The following WDR27 variants were observed in gnomAD, a reference collection of about 807,000 sequenced individuals.
The protein encoded by WDR27 is WD repeat domain 27.
In WDR27, 100 loss-of-function variants were observed where a neutral mutation model predicts 114.4. The ratio of observed to expected loss-of-function variants is 0.87; its 90% CI spans 0.74 to 1.03. The LOEUF (loss-of-function observed/expected upper bound fraction) is 1.03. Ranked by LOEUF, WDR27 falls within the 50% of genes least tolerant of loss-of-function variation. The pLI is 0.00. For missense variants in WDR27, 1,129 were observed against 1,092.9 expected (o/e 1.03, Z -0.47); for synonymous variants, 449 against 423.1 (o/e 1.06, Z -0.75).
At position 169,668,182 on chromosome 6, in the gene WDR27, G is replaced by C; in HGVS notation, c.460C>G (p.Arg154Gly). The C allele has an allele frequency of 6.2e-7, 1 of 1,613,896 alleles. No individual in the cohort carries two copies. The highest frequency in any genetic ancestry group is 1.1e-5 in the South Asian group (1 of 91,042). ...CGTTCTATGTATGTCACAGAAAATC[G>C]CTGCTATTAAAATAAAGCCCAAATT... ...NKIFMLDIEQ[R>G]FSVTYIERPD... Residue 154 changes from arginine to glycine, a missense_variant, in exon 5 of 26, where the codon CGA (arginine) becomes GGA (glycine). Arg to Gly is a moderately radical substitution (Grantham distance 125, BLOSUM62 -2). Coordinates refer to ENST00000448612, the MANE Select transcript of WDR27 (RefSeq NM_182552.5).
chr6:169,624,016 G>A (rs965021175), intron 21 of WDR27, among the ~76,000 whole-genome samples: 5 of 152,320 alleles, frequency 3.3e-5, no homozygotes, highest in Admixed American at 2.6e-4. Flanking sequence ...TTGGGGACAT[G>A]GGGCCCTGGA....
At chr6:169,675,355 T>G (rs911988601) in intron 2 of WDR27, among the ~76,000 whole-genome samples, 1 of 152,196 alleles carries the variant, frequency 6.6e-6, no homozygotes, top group African/African-American at 2.4e-5. Flanking sequence ...CCTTCCACCA[T>G]GATTGTAAGG....
intron 17 of WDR27, 31 bp from the exon 18 acceptor site, chr6:169,638,691 T>G: frequency 1.9e-6 from 3 of 1,575,812 alleles, no homozygotes; most frequent in Non-Finnish European, 2.6e-6. Flanking sequence ...AGGTTACTAT[T>G]TCTACTATTA....
At chr6:169,687,539 G>C (rs770372218) in intron 2 of WDR27, among the ~76,000 whole-genome samples, 1 of 152,024 alleles carries the variant, frequency 6.6e-6, no homozygotes, top group African/African-American at 2.4e-5. Flanking sequence ...TGCCCTTTTC[G>C]AAAGGCTAAA....
At chr6:169,548,018 T>A (rs1797670156) in intron 25 of WDR27, among the ~76,000 whole-genome samples, 1 of 151,740 alleles carries the variant, frequency 6.6e-6, no homozygotes, top group Non-Finnish European at 1.5e-5. Context: ...TACATAAAAG[T>A]TAATCACTTT....
At chr6:169,663,733 G>A (rs1827001852) in intron 8 of WDR27, 1 of 175,684 alleles carries the variant, frequency 5.7e-6, no homozygotes, top group Non-Finnish European at 1.2e-5. Context: ...ACCAGGTGAG[G>A]ATGTGAGGGT....
intron 24 of WDR27, among the ~76,000 whole-genome samples, chr6:169,574,678 C>T (rs1246489999): frequency 1.3e-5 from 2 of 152,148 alleles, no homozygotes; most frequent in African/African-American, 4.8e-5. Context: ...GCTTCCAGGA[C>T]TCGGTGAGTG....
intron 2 of WDR27, among the ~76,000 whole-genome samples, chr6:169,686,696 T>C (rs1315984346): frequency 6.6e-6 from 1 of 152,168 alleles, no homozygotes; most frequent in Admixed American, 6.5e-5. Context: ...CACTCCCATA[T>C]TTATTGCAGC....
At chr6:169,492,517 A>G (rs1363331406) in intron 25 of WDR27, among the ~76,000 whole-genome samples, 1 of 152,162 alleles carries the variant, frequency 6.6e-6, no homozygotes, top group East Asian at 1.9e-4. Context: ...AAATGTTTTT[A>G]AAGTGTTTAT....
At chr6:169,660,799 A>G (rs1310971846) in intron 9 of WDR27, 33 bp from the exon 10 acceptor site, 2 of 1,582,762 alleles carry the variant, frequency 1.3e-6, no homozygotes, top group African/African-American at 1.3e-5. Context: ...AGAATACACA[A>G]TAATCTTATT....
chr6:169,569,131 T>C (rs746165525), intron 25 of WDR27, among the ~76,000 whole-genome samples: 1 of 152,170 alleles, frequency 6.6e-6, no homozygotes, highest in Non-Finnish European at 1.5e-5. Context: ...CACACAACCG[T>C]GGGACCGTGA....
rs187268574 is a variant in WDR27 at position 169,586,812 on chromosome 6, G to A, written c.2425-3878C>T. Among the ~76,000 whole-genome samples, 89 of 117,602 alleles carry A rather than the reference G, an allele frequency of 7.6e-4. No homozygotes were observed. In the East Asian group the frequency reaches 0.014, roughly 18 times the overall value. The allele number at this position is 117,602 out of a possible 152,430, so 77.2% of individuals were successfully genotyped here. A position where few individuals can be genotyped will look rare whatever the true frequency, so the allele number is the denominator to read the frequency against. The stretch of plus-strand genomic sequence containing the variant: ...TGCAGTGGGCTGAGATTGCACTACT[G>A]CACTCCAGCCTGGCGACACAGCTAG... On this transcript the variant is annotated intron_variant, in intron 23 of 25. Transcript: ENST00000448612.
intron 4 of WDR27, chr6:169,670,040 A>G (rs893315334): frequency 2.0e-5 from 3 of 152,428 alleles, no homozygotes; most frequent in East Asian, 1.9e-4. Flanking sequence ...AGAGGAAACA[A>G]AAGTCCTCCT....
intron 21 of WDR27, among the ~76,000 whole-genome samples, chr6:169,626,329 A>G (rs1470221518): frequency 1.3e-5 from 2 of 152,158 alleles, no homozygotes; most frequent in Non-Finnish European, 2.9e-5. Context: ...GCTGTGCTGT[A>G]GTGAGCAGGG....
chr6:169,658,673 A>G (rs977436681), intron 12 of WDR27, among the ~76,000 whole-genome samples: 2 of 151,276 alleles, frequency 1.3e-5, no homozygotes, highest in African/African-American at 4.9e-5. Context: ...GCATTGGCAG[A>G]GCTCCGAGTT....
At position 169,695,655 on chromosome 6, in the gene WDR27, C is replaced by T. The variant is rs147105985; in HGVS notation, c.-8+5896G>A. ...TGAGGAGTCTAAATACCCCGGGGCA[C>T]GGTGGTGACAGAGTAACACTCTCCC... On this transcript the variant is annotated intron_variant, in intron 1 of 25. Coordinates refer to ENST00000448612, the MANE Select transcript of WDR27 (RefSeq NM_182552.5). Among the ~76,000 whole-genome samples the T allele has an allele frequency of 3.0e-4, 45 of 152,182 alleles. No individual in the cohort carries two copies. In the South Asian group the frequency reaches 4.2e-3, roughly 14 times the overall value.
At chr6:169,678,361 C>T (rs962982505) in intron 2 of WDR27, among the ~76,000 whole-genome samples, 15 of 152,212 alleles carry the variant, frequency 9.9e-5, no homozygotes, top group African/African-American at 3.1e-4. Context: ...GACTGTCCTG[C>T]TGGGTTTCAG....
At position 169,546,303 on chromosome 6, in the gene WDR27, C is replaced by T. The variant is rs1797449631; in HGVS notation, c.2645+26116G>A. 2.6e-5 allele frequency among the ~76,000 whole-genome samples: 4 copies of T among 152,354 alleles called. 1 individual carries two copies. In the Middle Eastern group the frequency reaches 0.014, roughly 518 times the overall value. The stretch of plus-strand genomic sequence containing the variant: ...CCCCAGAGGAAAGACAACTTCTTTT[C>T]ACACAAAACCTGTGTACAGCAGCGT... On this transcript the variant is annotated intron_variant, in intron 25 of 25. Coordinates refer to ENST00000448612, the MANE Select transcript of WDR27 (RefSeq NM_182552.5).
intron 25 of WDR27, among the ~76,000 whole-genome samples, chr6:169,532,658 A>G (rs990088567): frequency 1.3e-5 from 2 of 152,170 alleles, no homozygotes; most frequent in African/African-American, 4.8e-5. Flanking sequence ...AATTTTATTT[A>G]GTTTCAATTT....
Sources: allele counts gnomAD v4.1 joint callset (sites outside exome capture counted in the v4.1 genomes callset), GRCh38; gene constraint gnomAD v4.1.1; transcripts MANE v1.5; gene names NCBI Gene and HGNC (gene_info 2026-07-23, HGNC 2026-07-21).